Variants in DGKE observed in about 807,000 individuals in gnomAD.
The protein encoded by DGKE is DAG kinase epsilon.
Under a neutral mutation model 70.0 loss-of-function variants are expected in DGKE, and 53 were observed. The ratio of observed to expected loss-of-function variants is 0.76; its 90% CI spans 0.61 to 0.95. The LOEUF is 0.95. Among genes scored for constraint, DGKE ranks in the 40% least tolerant of loss-of-function variants. The pLI is 0.00. For synonymous variants in DGKE, 291 were observed against 257.0 expected (o/e 1.13, Z -1.27); for missense variants, 655 against 706.9 (o/e 0.93, Z 0.83).
At chr17:56,855,282 G>C (rs1405987888) in intron 7 of DGKE, among the ~76,000 whole-genome samples, 1 of 152,060 alleles carries the variant, frequency 6.6e-6, no homozygotes, top group Non-Finnish European at 1.5e-5. Flanking sequence ...AACGGGAAAA[G>C]CATGAAAAGA....
rs1280132208 is a variant in DGKE at position 56,842,459 on chromosome 17, A to G, written c.465-1560A>G. ...TGATTGCTTTTGATGGTGATATACT[A>G]TTTTAAAGTTATGGTAGACCAATAA... is the stretch of plus-strand genomic sequence containing the variant. On this transcript the variant is annotated intron_variant, in intron 2 of 11. Transcript: ENST00000284061. Among the ~76,000 whole-genome samples the G allele has an allele frequency of 3.3e-5, 5 of 152,324 alleles. No individual in the cohort carries two copies. In the South Asian group the frequency reaches 8.3e-4, roughly 25 times the overall value.
At position 56,834,991 on chromosome 17, in the gene DGKE, G is replaced by A; in HGVS notation, c.196G>A (p.Asp66Asn). ...RKSKHGWRDTDLFSQPTYCCV... is the reference protein window; with the variant it reads ...RKSKHGWRDTNLFSQPTYCCV... ...GAGCAAGCACGGGTGGCGCGACACG[G>A]ACCTGTTCAGCCAGCCCACCTACTG... Residue 66 changes from aspartate to asparagine, a missense_variant, in exon 2 of 12, where the codon GAC (aspartate) becomes AAC (asparagine). By Grantham distance (23) the Asp-to-Asn change is conservative (BLOSUM62 1). Coordinates refer to ENST00000284061, the MANE Select transcript of DGKE (RefSeq NM_003647.3). The A allele has an allele frequency of 6.2e-7, 1 of 1,612,686 alleles. No individual in the cohort carries two copies. The highest frequency in any genetic ancestry group is 8.5e-7 in the Non-Finnish European group (1 of 1,179,992).
chr17:56,869,550 TAAA>T lies in DGKE; in HGVS notation c.*6762_*6764del, dbSNP rs1251421927. 2 of 152,230 alleles carry T rather than the reference TAAA, an allele frequency of 1.3e-5. No individual in the cohort carries two copies. The highest frequency in any genetic ancestry group is 3.8e-4 in the East Asian group (2 of 5,200). The allele number at this position is 152,230 out of a possible 1,614,324, so 9.4% of individuals were successfully genotyped here. ...ATCCATTTTTATAAAATTTTTGTAA[TAAA>T]AATTCACTTGATCACTTGCCTGCTT... On this transcript the variant is annotated 3_prime_UTR_variant, in exon 12 of 12. Coordinates refer to ENST00000284061, the MANE Select transcript of DGKE (RefSeq NM_003647.3).
chr17:56,840,789 G>A (rs8066724), intron 2 of DGKE, among the ~76,000 whole-genome samples: 2,527 of 152,280 alleles, frequency 0.017, 67 homozygotes, highest in African/African-American at 0.058. Flanking sequence ...ACTGAACTGG[G>A]AGGGGGGGGA....
intron 8 of DGKE, among the ~76,000 whole-genome samples, chr17:56,858,370 A>G (rs917550233): frequency 1.3e-5 from 2 of 152,122 alleles, no homozygotes; most frequent in African/African-American, 4.8e-5. Flanking sequence ...GTGGATTCCA[A>G]TTTTACCCTT....
chr17:56,843,758 A>G (rs1483319567), intron 2 of DGKE, among the ~76,000 whole-genome samples: 9 of 148,794 alleles, frequency 6.0e-5, no homozygotes, highest in African/African-American at 2.5e-5. Context: ...AGATCATGCC[A>G]CTGCACTCCA....
intron 2 of DGKE, among the ~76,000 whole-genome samples, chr17:56,840,793 G>C (rs955684741): frequency 3.9e-5 from 6 of 152,184 alleles, no homozygotes; most frequent in Non-Finnish European, 5.9e-5. Flanking sequence ...AACTGGGAGG[G>C]GGGGGAATAA....
rs991362492 is a variant in DGKE at position 56,849,658 on chromosome 17, C to T, written c.1098+426C>T. 2.6e-5 allele frequency among the ~76,000 whole-genome samples: 4 copies of T among 152,118 alleles called. 1 individual carries two copies. The highest frequency in any genetic ancestry group is 2.6e-4 in the Admixed American group (4 of 15,262). Reference sequence around the variant, plus strand: ...AATCAGGATGAGGACAATGCAAAGACATTTTAGAGGTAGAATTAATCAATA... The same window carrying T: ...AATCAGGATGAGGACAATGCAAAGATATTTTAGAGGTAGAATTAATCAATA... On this transcript the variant is annotated intron_variant, in intron 7 of 11. Transcript: ENST00000284061.
intron 4 of DGKE, among the ~76,000 whole-genome samples, chr17:56,846,712 T>C (rs551157234): frequency 6.6e-6 from 1 of 152,160 alleles, no homozygotes; most frequent in Non-Finnish European, 1.5e-5. Flanking sequence ...CCTTCCAATT[T>C]GTATTTTTTA....
intron 7 of DGKE, among the ~76,000 whole-genome samples, chr17:56,855,486 C>T (rs1907888987): frequency 6.6e-6 from 1 of 152,074 alleles, no homozygotes; most frequent in African/African-American, 2.4e-5. Flanking sequence ...ATAACAAAGG[C>T]AGGAGAGCTG....
rs958353659 is a variant in DGKE, at chr17:56,855,725, G to T, written c.1099-787G>T. Among the ~76,000 whole-genome samples the T allele has an allele frequency of 2.0e-5, 3 of 152,302 alleles. No individual in the cohort carries two copies. The South Asian group carries it at 6.2e-4, about 32-fold the overall frequency. On this transcript the variant is annotated intron_variant, in intron 7 of 11. Transcript: ENST00000284061. ...TAGAGAAGATTAGCAAGTAAGGCTG[G>T]CCGGGCGCGGTGGCTCACGCCTGTA...
intron 2 of DGKE, chr17:56,836,238 T>C (rs1342175175): frequency 2.6e-5 from 4 of 152,256 alleles, no homozygotes; most frequent in Non-Finnish European, 4.4e-5. Context: ...ATTCTTTCAT[T>C]AGCATGAACG....
rs772927571 is a variant in DGKE, at chr17:56,862,668, A to G, written c.1581A>G (p.Gln527=). 4 of 1,597,784 alleles carry G rather than the reference A, an allele frequency of 2.5e-6. No individual in the cohort carries two copies. The highest frequency in any genetic ancestry group is 4.5e-5 in the East Asian group (2 of 44,554). Residue 527 remains glutamine, a synonymous_variant, in exon 12 of 12, where the codon CAA becomes CAG. Coordinates refer to ENST00000284061, the MANE Select transcript of DGKE (RefSeq NM_003647.3). ...PMQVDGEPWA[Q]GPCTVTITHK... is the part of the protein sequence containing the mutation. ...AGGTGGATGGGGAGCCTTGGGCCCA[A>G]GGGCCCTGCACTGTCACCATAACTC...
chr17:56,851,834 A>G (rs1428286852), intron 7 of DGKE, among the ~76,000 whole-genome samples: 1 of 152,248 alleles, frequency 6.6e-6, no homozygotes, highest in African/African-American at 2.4e-5. Flanking sequence ...ACATACCTCA[A>G]AAAAGGCTCT....
At chr17:56,856,360 C>A in intron 7 of DGKE, 152 bp from the exon 8 acceptor site, 1 of 774,560 alleles carries the variant, frequency 1.3e-6, no homozygotes, top group Non-Finnish European at 2.0e-6. Context: ...TTTCTGGTAA[C>A]TTCACTGGAC....
chr17:56,858,746 C>T (rs992043869), intron 9 of DGKE, 81 bp downstream of exon 9: 4 of 1,088,686 alleles, frequency 3.7e-6, no homozygotes, highest in Middle Eastern at 2.2e-4. Context: ...AAATGCTAAA[C>T]TTTGTTAATA....
chr17:56,836,439 A>G (rs1290881814), intron 2 of DGKE: 1 of 152,248 alleles, frequency 6.6e-6, no homozygotes, highest in Non-Finnish European at 1.5e-5. Flanking sequence ...CCAAGTTAGC[A>G]GGGACTTTAA....
At chr17:56,861,051 CAGAT>C (rs1396093696) in intron 9 of DGKE, among the ~76,000 whole-genome samples, 2 of 152,072 alleles carry the variant, frequency 1.3e-5, no homozygotes, top group Admixed American at 6.5e-5. Flanking sequence ...AAGCTAGAGG[CAGAT>C]AGGCCAGATA....
At chr17:56,850,843 C>G (rs1266421128) in intron 7 of DGKE, among the ~76,000 whole-genome samples, 1 of 152,130 alleles carries the variant, frequency 6.6e-6, no homozygotes, top group Non-Finnish European at 1.5e-5. Flanking sequence ...CAAGCAAAGG[C>G]TTAGGAATTC....
Sources: allele counts gnomAD v4.1 joint callset (sites outside exome capture counted in the v4.1 genomes callset), GRCh38; gene constraint gnomAD v4.1.1; transcripts MANE v1.5; gene names NCBI Gene and HGNC (gene_info 2026-07-23, HGNC 2026-07-21).